MED13L: variants seen among roughly 807,000 people sequenced by gnomAD.
The protein encoded by MED13L is mediator of RNA polymerase II transcription subunit 13-like.
In MED13L, 7 loss-of-function variants were observed where a neutral mutation model predicts 220.9. The observed-to-expected ratio is 0.03, with a 90% CI of 0.02 to 0.06. MED13L has a LOEUF of 0.06. MED13L is among the 10% of genes least tolerant of loss of function. The pLI is 1.00. For synonymous variants in MED13L, 1,011 were observed against 1,015.2 expected (o/e 1.00, Z 0.08); for missense variants, 1,965 against 2,760.5 (o/e 0.71, Z 6.46).
intron 2 of MED13L, among the ~76,000 whole-genome samples, chr12:116,152,432 A>G (rs778164681): frequency 1.3e-5 from 2 of 152,190 alleles, no homozygotes; most frequent in East Asian, 3.8e-4. Context: ...GTCTGCAGCT[A>G]AAGTTTCTTC....
At chr12:116,114,648 C>A (rs1367282952) in intron 2 of MED13L, among the ~76,000 whole-genome samples, 1 of 152,026 alleles carries the variant, frequency 6.6e-6, no homozygotes, top group African/African-American at 2.4e-5. Context: ...TACAATAGGG[C>A]AAGAAAGAAG....
rs1159641387 is a variant in MED13L, at chr12:116,001,041, AAAT to A, written c.2569+1959_2569+1961del. On this transcript the variant is annotated intron_variant, in intron 14 of 30. Transcript: ENST00000281928. ...ATAATTTTATACTAATTACATGTAA[AAAT>A]AATATTTTGGATACTTAAATAAAAT... is the stretch of plus-strand genomic sequence containing the variant. Among the ~76,000 whole-genome samples the A allele has an allele frequency of 4.3e-4, 65 of 152,332 alleles. 1 individual carries two copies. The highest frequency in any genetic ancestry group is 1.5e-3 in the African/African-American group (61 of 41,572).
At chr12:116,258,750 T>C (rs1872259715) in intron 1 of MED13L, among the ~76,000 whole-genome samples, 1 of 140,828 alleles carries the variant, frequency 7.1e-6, no homozygotes, top group African/African-American at 2.7e-5. Context: ...CACTCCGGCC[T>C]GGGCGACAGA....
In MED13L at chr12:116,186,693, G is replaced by C. The variant is rs1324561818; in HGVS notation, c.310+50775C>G. ...CAAGCTTTGTGATACTTGGTTTACT[G>C]CTTTTGTTTCACTACACCACTCTGT... is the stretch of plus-strand genomic sequence containing the variant. On this transcript the variant is annotated intron_variant, in intron 2 of 30. Coordinates refer to ENST00000281928, the MANE Select transcript of MED13L (RefSeq NM_015335.5). 4.6e-5 allele frequency among the ~76,000 whole-genome samples: 7 copies of C among 152,158 alleles called. No individual in the cohort carries two copies. In the East Asian group the frequency reaches 1.3e-3, roughly 29 times the overall value.
intron 2 of MED13L, among the ~76,000 whole-genome samples, chr12:116,113,490 A>ATG (rs1874256738): frequency 6.7e-6 from 1 of 148,524 alleles, no homozygotes; most frequent in African/African-American, 2.5e-5. Flanking sequence ...AAAAAAAATT[A>ATG]TATATATATA....
At chr12:116,176,897 A>AG (rs1880107589) in intron 2 of MED13L, among the ~76,000 whole-genome samples, 3 of 146,312 alleles carry the variant, frequency 2.1e-5, no homozygotes, top group African/African-American at 7.5e-5. Flanking sequence ...AAAAAAAAAA[A>AG]GGTAAATTTC....
chr12:116,019,354 C>T lies in MED13L; in HGVS notation c.879G>A (p.Pro293=), dbSNP rs140586744. The change falls in exon 7 of 31, where the codon CCG becomes CCA. Residue 293 remains proline (P), a synonymous_variant. Coordinates refer to ENST00000281928, the MANE Select transcript of MED13L (RefSeq NM_015335.5). ...CAGCACTGGCAACACTCTGAGGAACCGGGATGTCATTCTGAGAGATCAAAA... is the reference window on the plus strand; with the variant it reads ...CAGCACTGGCAACACTCTGAGGAACTGGGATGTCATTCTGAGAGATCAAAA... ...AFVLISQNDI[P]VPQSVASAGG... The T allele has an allele frequency of 1.9e-5, 31 of 1,613,956 alleles. No individual in the cohort carries two copies. Among genetic ancestry groups the T allele is most frequent in the Middle Eastern group, 1.7e-4 (1 of 6,056 alleles).
intron 13 of MED13L, among the ~76,000 whole-genome samples, chr12:116,004,205 T>C (rs555563177): frequency 2.0e-5 from 3 of 152,268 alleles, no homozygotes; most frequent in African/African-American, 7.2e-5. Flanking sequence ...TACCTCCTTT[T>C]CTTTTCATAT....
intron 2 of MED13L, among the ~76,000 whole-genome samples, chr12:116,196,070 A>G (rs1881608082): frequency 6.6e-6 from 1 of 152,114 alleles, no homozygotes; most frequent in South Asian, 2.1e-4. Context: ...TATATTTAAC[A>G]GCAGTTTCAG....
At chr12:116,078,757 C>A (rs1871011899) in intron 4 of MED13L, among the ~76,000 whole-genome samples, 1 of 152,138 alleles carries the variant, frequency 6.6e-6, no homozygotes, top group South Asian at 2.1e-4. Context: ...TAAAAGTTCA[C>A]CTGCCCCTCC....
At chr12:116,226,788 G>A (rs761017938) in intron 2 of MED13L, among the ~76,000 whole-genome samples, 10 of 149,304 alleles carry the variant, frequency 6.7e-5, no homozygotes, top group African/African-American at 2.2e-4. Flanking sequence ...GGAACTGCTC[G>A]AACTCCGGAC....
At chr12:116,134,748 C>T (rs1376342580) in intron 2 of MED13L, among the ~76,000 whole-genome samples, 2 of 152,132 alleles carry the variant, frequency 1.3e-5, no homozygotes, top group South Asian at 2.1e-4. Flanking sequence ...ATGCTATTTA[C>T]GATGATACGC....
chr12:116,189,721 GTTGA>G, intron 2 of MED13L, among the ~76,000 whole-genome samples: 1 of 152,288 alleles, frequency 6.6e-6, no homozygotes, highest in East Asian at 1.9e-4. Context: ...AATAGCAATG[GTTGA>G]AAAGCTGTAT....
At chr12:116,188,387 G>GAC (rs60451599) in intron 2 of MED13L, among the ~76,000 whole-genome samples, 9 of 151,936 alleles carry the variant, frequency 5.9e-5, no homozygotes, top group African/African-American at 1.7e-4. Flanking sequence ...CACAGAAACA[G>GAC]AGTGATCTCA....
In MED13L at chr12:115,958,600, T is replaced by A. The variant is rs1875564246; in HGVS notation, c.*2666A>T. 1 of 152,186 alleles carries A rather than the reference T, an allele frequency of 6.6e-6. No homozygotes were observed. Among genetic ancestry groups the A allele is most frequent in the African/African-American group, 2.4e-5 (1 of 41,446 alleles). 9.4% of individuals were successfully genotyped at this position (152,186 alleles called of 1,614,324 possible). A position where few individuals can be genotyped will look rare whatever the true frequency, so the allele number is the denominator to read the frequency against. On this transcript the variant is annotated 3_prime_UTR_variant, in exon 31 of 31. Transcript: ENST00000281928. ...CTTCAGTAATTCAATAATTTATTCC[T>A]CTAAAAAAGTGTGTAAAAGTATATA... is the stretch of plus-strand genomic sequence containing the variant.
chr12:116,219,584 C>T (rs1456362182), intron 2 of MED13L, among the ~76,000 whole-genome samples: 1 of 152,138 alleles, frequency 6.6e-6, no homozygotes, highest in African/African-American at 2.4e-5. Context: ...CCCTGGATCA[C>T]CATCAAACCT....
At chr12:116,257,769 AT>A (rs1872180145) in intron 1 of MED13L, among the ~76,000 whole-genome samples, 1 of 152,102 alleles carries the variant, frequency 6.6e-6, no homozygotes, top group South Asian at 2.1e-4. Flanking sequence ...GATCATTTTT[AT>A]TTTTTAGATC....
At chr12:116,185,475 A>G (rs1312392883) in intron 2 of MED13L, among the ~76,000 whole-genome samples, 1 of 152,074 alleles carries the variant, frequency 6.6e-6, no homozygotes, top group Admixed American at 6.6e-5. Flanking sequence ...CTATTAGGTA[A>G]TACCTGACGA....
At chr12:115,969,196 A>G in intron 27 of MED13L, 99 bp from the exon 28 acceptor site, 1 of 1,343,576 alleles carries the variant, frequency 7.4e-7, no homozygotes, top group Non-Finnish European at 1.0e-6. Flanking sequence ...TTTTGTTGGC[A>G]TATGGCTATT....
Sources: gnomAD v4.1 joint callset for allele counts (sites outside exome capture counted in the v4.1 genomes callset) on GRCh38, gnomAD v4.1.1 for gene constraint, MANE v1.5 for transcripts, NCBI Gene and HGNC (gene_info 2026-07-23, HGNC 2026-07-21) for gene names.